The following NRXN3 variants were observed in gnomAD, a reference collection of about 807,000 sequenced individuals.
The protein encoded by NRXN3 is neurexin III.
In NRXN3, 32 loss-of-function variants were observed where a neutral mutation model predicts 137.6. That is an observed-to-expected ratio of 0.23 (90% CI 0.18 to 0.31). NRXN3 has a LOEUF of 0.31. Among genes scored for constraint, NRXN3 ranks in the 10% least tolerant of loss-of-function variants. The pLI is 1.00. For missense variants in NRXN3, 1,574 were observed against 2,062.5 expected (o/e 0.76, Z 4.59); for synonymous variants, 798 against 784.5 (o/e 1.02, Z -0.29).
chr14:78,206,896 C>T (rs572249023), intron 1 of NRXN3, among the ~76,000 whole-genome samples: 1 of 151,988 alleles, frequency 6.6e-6, no homozygotes, highest in East Asian at 1.9e-4. Context: ...TGGAGTCTTG[C>T]TCTGTTGCCC....
In NRXN3 at chr14:79,098,041, T is replaced by A. The variant is rs1195474911; in HGVS notation, c.3262+109900T>A. Among the ~76,000 whole-genome samples the A allele has an allele frequency of 2.6e-5, 4 of 152,350 alleles. No homozygotes were observed. In the South Asian group the frequency reaches 6.2e-4, roughly 24 times the overall value. On this transcript the variant is annotated intron_variant, in intron 15 of 20. Transcript: ENST00000335750. ...CCACCTTTAGAGAAGTCTCCTGGGATGCTGCCTAAACCTACACTGTAAGCA... is the reference window on the plus strand; with the variant it reads ...CCACCTTTAGAGAAGTCTCCTGGGAAGCTGCCTAAACCTACACTGTAAGCA...
rs557331452 is a variant in NRXN3 at position 79,734,186 on chromosome 14, C to A, written c.4014+36249C>A. ...AATAGCTTTGCCAATCCGGCCAACA[C>A]CCCAATATTTCTTTATATTTTGAAA... is the stretch of plus-strand genomic sequence containing the variant. On this transcript the variant is annotated intron_variant, in intron 19 of 20. Coordinates refer to ENST00000335750, the MANE Select transcript of NRXN3 (RefSeq NM_001330195.2). Among the ~76,000 whole-genome samples, 10 of 152,336 alleles carry A rather than the reference C, an allele frequency of 6.6e-5. No homozygotes were observed. In the South Asian group the frequency reaches 1.9e-3, roughly 28 times the overall value.
intron 16 of NRXN3, among the ~76,000 whole-genome samples, chr14:79,524,677 C>T (rs2097101982): frequency 6.6e-6 from 1 of 152,132 alleles, no homozygotes; most frequent in Non-Finnish European, 1.5e-5. Flanking sequence ...TTTCCCTTGG[C>T]CTTCCAAAGA....
At chr14:78,262,754 G>T (rs1464156280) in intron 2 of NRXN3, among the ~76,000 whole-genome samples, 1 of 152,152 alleles carries the variant, frequency 6.6e-6, no homozygotes, top group African/African-American at 2.4e-5. Flanking sequence ...CATCTAAAAG[G>T]TTCTCAACTT....
At chr14:78,203,322 G>C (rs1263811977) in intron 1 of NRXN3, among the ~76,000 whole-genome samples, 1 of 152,162 alleles carries the variant, frequency 6.6e-6, no homozygotes. Flanking sequence ...ACTCATTGTT[G>C]GCATTTTGGA....
In NRXN3 at chr14:79,734,838, G is replaced by A. The variant is rs185486957; in HGVS notation, c.4014+36901G>A. ...TCTGGAATTCAATTATAAGTACAAG[G>A]CATCCCACTCTTGGCTTCCTTTCTG... On this transcript the variant is annotated intron_variant, in intron 19 of 20. Transcript: ENST00000335750. Among the ~76,000 whole-genome samples the A allele has an allele frequency of 8.1e-4, 123 of 152,150 alleles. 1 individual carries two copies. Among genetic ancestry groups the A allele is most frequent in the African/African-American group, 2.9e-3 (122 of 41,510 alleles).
chr14:78,649,565 T>C (rs897603035), intron 5 of NRXN3, among the ~76,000 whole-genome samples: 5 of 87,526 alleles, frequency 5.7e-5, no homozygotes. Flanking sequence ...AAAAAATGCT[T>C]TTTTTTTTTT....
intron 15 of NRXN3, among the ~76,000 whole-genome samples, chr14:79,011,453 C>A: frequency 7.3e-6 from 1 of 137,080 alleles, no homozygotes; most frequent in Non-Finnish European, 1.6e-5. Context: ...AAAAACAATT[C>A]AAGACTGATT....
At chr14:79,392,602 A>G (rs1398990776) in intron 15 of NRXN3, among the ~76,000 whole-genome samples, 3 of 152,158 alleles carry the variant, frequency 2.0e-5, no homozygotes, top group Admixed American at 6.5e-5. Flanking sequence ...GCTCATCATC[A>G]TTGGTCGTTA....
intron 16 of NRXN3, among the ~76,000 whole-genome samples, chr14:79,492,034 T>G (rs1027485643): frequency 6.6e-6 from 1 of 152,190 alleles, no homozygotes; most frequent in African/African-American, 2.4e-5. Flanking sequence ...TGAATGTCTA[T>G]AAGTTGTTAG....
At position 79,645,085 on chromosome 14, in the gene NRXN3, T is replaced by C. The variant is rs561108443; in HGVS notation, c.3445-18693T>C. 9.6e-5 allele frequency among the ~76,000 whole-genome samples: 13 copies of C among 135,982 alleles called. 3 individuals are homozygous for C. The highest frequency in any genetic ancestry group is 1.9e-4 in the Non-Finnish European group (11 of 58,374). 89.2% of individuals were successfully genotyped at this position (135,982 alleles called of 152,430 possible). A position where few individuals can be genotyped will look rare whatever the true frequency, so the allele number is the denominator to read the frequency against. On this transcript the variant is annotated intron_variant, in intron 16 of 20. Transcript: ENST00000335750. The stretch of plus-strand genomic sequence containing the variant: ...ACTTACATTCTATCCATGTTCAGGA[T>C]TGAGTTTAAATCCCATTTCTGCTCT...
At position 79,302,634 on chromosome 14, in the gene NRXN3, T is replaced by C. The variant is rs183216878; in HGVS notation, c.3263-164587T>C. 4.4e-3 allele frequency among the ~76,000 whole-genome samples: 661 copies of C among 151,938 alleles called. 5 individuals are homozygous for C. The highest frequency in any genetic ancestry group is 0.015 in the African/African-American group (622 of 41,468). On this transcript the variant is annotated intron_variant, in intron 15 of 20. Coordinates refer to ENST00000335750, the MANE Select transcript of NRXN3 (RefSeq NM_001330195.2). ...GAGGGAGGGACCTAGTGGGAGGTGA[T>C]TGGATCATGAGGGCAGTTTCCCCCA...
chr14:78,882,847 G>A (rs532929301), intron 10 of NRXN3, among the ~76,000 whole-genome samples: 1 of 151,594 alleles, frequency 6.6e-6, no homozygotes, highest in African/African-American at 2.4e-5. Context: ...ATATGGTTTG[G>A]CTATGTTTGC....
chr14:79,628,247 T>G (rs1029835317), intron 16 of NRXN3, among the ~76,000 whole-genome samples: 2 of 152,232 alleles, frequency 1.3e-5, no homozygotes, highest in African/African-American at 2.4e-5. Flanking sequence ...CCTCCTTCTT[T>G]CTGATAGTCT....
chr14:79,727,851 T>C (rs2098900960), intron 19 of NRXN3, among the ~76,000 whole-genome samples: 1 of 152,112 alleles, frequency 6.6e-6, no homozygotes. Context: ...AAATACCAGG[T>C]TACGAATGGC....
chr14:78,861,075 G>T (rs548153192), intron 10 of NRXN3, among the ~76,000 whole-genome samples: 1 of 140,250 alleles, frequency 7.1e-6, no homozygotes, highest in East Asian at 2.2e-4. Flanking sequence ...TATATTACCA[G>T]GTATAGTCCT....
intron 10 of NRXN3, among the ~76,000 whole-genome samples, chr14:78,942,863 A>G (rs2099355779): frequency 6.6e-6 from 1 of 152,202 alleles, no homozygotes; most frequent in Non-Finnish European, 1.5e-5. Flanking sequence ...TCAAAACATC[A>G]CTATGTACCC....
At chr14:78,885,958 T>C (rs1457673192) in intron 10 of NRXN3, among the ~76,000 whole-genome samples, 1 of 152,096 alleles carries the variant, frequency 6.6e-6, no homozygotes, top group African/African-American at 2.4e-5. Context: ...GGATCCAAGG[T>C]GACAGAGCCT....
intron 10 of NRXN3, among the ~76,000 whole-genome samples, chr14:78,946,819 T>G (rs1383184991): frequency 6.6e-6 from 1 of 152,184 alleles, no homozygotes; most frequent in Admixed American, 6.5e-5. Context: ...CTTGCTGTAT[T>G]AAGAGCCAGC....
Sources: gnomAD v4.1 joint callset for allele counts (sites outside exome capture counted in the v4.1 genomes callset) on GRCh38, gnomAD v4.1.1 for gene constraint, MANE v1.5 for transcripts, NCBI Gene and HGNC (gene_info 2026-07-23, HGNC 2026-07-21) for gene names.